FHOD3: variants seen among roughly 807,000 people sequenced by gnomAD.
FHOD3 encodes the protein FH1/FH2 domain-containing protein 3.
In FHOD3, 90 loss-of-function variants were observed where a neutral mutation model predicts 173.0. That is an observed-to-expected ratio of 0.52 (90% CI 0.44 to 0.62). FHOD3 has a LOEUF of 0.62. FHOD3 is among the 20% of genes least tolerant of loss of function. The pLI is 0.00. For synonymous variants in FHOD3, 828 were observed against 823.0 expected (o/e 1.01, Z -0.10); for missense variants, 1,945 against 2,034.7 (o/e 0.96, Z 0.85).
rs562899204 is a variant in FHOD3 at position 36,653,754 on chromosome 18, C to T, written c.1721+338C>T. On this transcript the variant is annotated intron_variant, in intron 13 of 28. Transcript: ENST00000590592. ...AGTTGGCATATTTTGAACAATCAGT[C>T]GTCCAAAAATCAATAGTTGATCATT... Among the ~76,000 whole-genome samples the T allele has an allele frequency of 6.6e-5, 10 of 152,206 alleles. No homozygotes were observed. The South Asian group carries it at 2.1e-3, about 32-fold the overall frequency.
At chr18:36,693,055 G>C (rs1466661849) in intron 16 of FHOD3, 154 bp from the exon 17 acceptor site, 1 of 686,644 alleles carries the variant, frequency 1.5e-6, no homozygotes, top group African/African-American at 1.8e-5. Flanking sequence ...TGGCTTTGCT[G>C]GGTGTTTTTG....
chr18:36,383,096 G>A (rs565026745), intron 3 of FHOD3, among the ~76,000 whole-genome samples: 3 of 152,334 alleles, frequency 2.0e-5, no homozygotes, highest in African/African-American at 7.2e-5. Context: ...GCAGGCGGCT[G>A]TTTCCACACT....
At chr18:36,737,805 G>A (rs1224403915) in intron 20 of FHOD3, among the ~76,000 whole-genome samples, 1 of 152,232 alleles carries the variant, frequency 6.6e-6, no homozygotes, top group Non-Finnish European at 1.5e-5. Flanking sequence ...AGACTGTGGT[G>A]TCAAGAGCCC....
At chr18:36,450,366 C>T (rs1191754749) in intron 3 of FHOD3, among the ~76,000 whole-genome samples, 1 of 152,178 alleles carries the variant, frequency 6.6e-6, no homozygotes, top group Non-Finnish European at 1.5e-5. Context: ...GCTCTGAGGT[C>T]AGGCCATTCC....
At chr18:36,384,045 C>A (rs1462333749) in intron 3 of FHOD3, among the ~76,000 whole-genome samples, 1 of 152,130 alleles carries the variant, frequency 6.6e-6, no homozygotes, top group Non-Finnish European at 1.5e-5. Flanking sequence ...GGAAAAGTGA[C>A]CTCACTGCTC....
At chr18:36,313,675 T>G (rs746189403) in intron 1 of FHOD3, among the ~76,000 whole-genome samples, 3 of 152,216 alleles carry the variant, frequency 2.0e-5, no homozygotes, top group Non-Finnish European at 4.4e-5. Flanking sequence ...ATTCACTCAC[T>G]GAAAGACACC....
chr18:36,530,209 C>A (rs2056724650), intron 5 of FHOD3, among the ~76,000 whole-genome samples: 1 of 152,060 alleles, frequency 6.6e-6, no homozygotes, highest in African/African-American at 2.4e-5. Context: ...CCTTGTGCAC[C>A]CACCACTCAG....
At chr18:36,566,268 A>G (rs1239327472) in intron 5 of FHOD3, among the ~76,000 whole-genome samples, 1 of 151,494 alleles carries the variant, frequency 6.6e-6, no homozygotes, top group Admixed American at 6.6e-5. Context: ...GGATCCTTGT[A>G]TGTATCTCTA....
chr18:36,362,583 T>C (rs2046683652), intron 2 of FHOD3, among the ~76,000 whole-genome samples: 1 of 152,174 alleles, frequency 6.6e-6, no homozygotes, highest in East Asian at 1.9e-4. Context: ...GGGTGATTCC[T>C]TGGAGGGAGC....
chr18:36,721,802 G>A (rs529042493), intron 19 of FHOD3, among the ~76,000 whole-genome samples: 1 of 152,210 alleles, frequency 6.6e-6, no homozygotes, highest in South Asian at 2.1e-4. Flanking sequence ...TTGGGTTTCT[G>A]GCTCAGAAAT....
At chr18:36,488,559 A>G (rs909531778) in intron 3 of FHOD3, among the ~76,000 whole-genome samples, 2 of 152,294 alleles carry the variant, frequency 1.3e-5, no homozygotes, top group South Asian at 4.2e-4. Context: ...TATGGAGGAC[A>G]TTAGGTATTT....
chr18:36,650,140 A>G (rs950026251), intron 11 of FHOD3, among the ~76,000 whole-genome samples: 3 of 152,238 alleles, frequency 2.0e-5, no homozygotes, highest in Non-Finnish European at 4.4e-5. Context: ...TCCAGTATTC[A>G]GAAATAATTC....
At chr18:36,401,984 G>A (rs1035574310) in intron 3 of FHOD3, among the ~76,000 whole-genome samples, 5 of 152,174 alleles carry the variant, frequency 3.3e-5, no homozygotes, top group Admixed American at 6.5e-5. Flanking sequence ...TTATGTGGAC[G>A]TATGTCTTCA....
chr18:36,539,508 C>T (rs1259351770), intron 5 of FHOD3, among the ~76,000 whole-genome samples: 6 of 151,926 alleles, frequency 3.9e-5, no homozygotes, highest in South Asian at 2.1e-4. Flanking sequence ...ATTGCTCAGA[C>T]GTGCCTGGAG....
intron 3 of FHOD3, among the ~76,000 whole-genome samples, chr18:36,498,337 A>G (rs2054850656): frequency 6.6e-6 from 1 of 152,184 alleles, no homozygotes; most frequent in African/African-American, 2.4e-5. Context: ...AAAGGAAATA[A>G]TGAAATAGAA....
chr18:36,488,130 G>A (rs975384501), intron 3 of FHOD3, among the ~76,000 whole-genome samples: 4 of 152,140 alleles, frequency 2.6e-5, no homozygotes, highest in African/African-American at 9.7e-5. Context: ...ATTTGTGGCT[G>A]TTTCCATCTT....
chr18:36,568,370 T>TGGTGGAGG (rs2058345264), intron 5 of FHOD3, among the ~76,000 whole-genome samples: 2 of 61,702 alleles, frequency 3.2e-5, no homozygotes, highest in Non-Finnish European at 6.4e-5. Context: ...AAAAAAAAGG[T>TGGTGGAGG]GGTGGAGGGA....
At chr18:36,621,722 T>C (rs1236127425) in intron 9 of FHOD3, among the ~76,000 whole-genome samples, 1 of 152,256 alleles carries the variant, frequency 6.6e-6, no homozygotes, top group Non-Finnish European at 1.5e-5. Flanking sequence ...TCACAGTCTA[T>C]ATTCTTCTCT....
chr18:36,735,523 A>C (rs1185032933), intron 20 of FHOD3, among the ~76,000 whole-genome samples: 1 of 152,220 alleles, frequency 6.6e-6, no homozygotes, highest in Admixed American at 6.5e-5. Flanking sequence ...GCCTTGGTGG[A>C]TCCAGCTTAG....
Sources: allele counts gnomAD v4.1 joint callset (sites outside exome capture counted in the v4.1 genomes callset), GRCh38; gene constraint gnomAD v4.1.1; transcripts MANE v1.5; gene names NCBI Gene and HGNC (gene_info 2026-07-23, HGNC 2026-07-21).